The following HSD17B12 variants were observed in gnomAD, a reference collection of about 807,000 sequenced individuals.
HSD17B12 encodes hydroxysteroid 17-beta dehydrogenase 12, also known as very-long-chain 3-oxoacyl-CoA reductase.
In HSD17B12, 32 loss-of-function variants were observed where a neutral mutation model predicts 39.3. The ratio of observed to expected loss-of-function variants is 0.81; its 90% CI spans 0.61 to 1.09. The LOEUF (loss-of-function observed/expected upper bound fraction) is 1.09, where lower values mean the gene tolerates loss of function less well. Ranked by LOEUF, HSD17B12 falls within the 50% of genes least tolerant of loss-of-function variation. HSD17B12 has a pLI of 0.00. For synonymous variants in HSD17B12, 150 were observed against 146.7 expected (o/e 1.02, Z -0.16); for missense variants, 342 against 382.9 (o/e 0.89, Z 0.89).
intron 7 of HSD17B12, among the ~76,000 whole-genome samples, chr11:43,835,712 T>G (rs932125558): frequency 1.3e-5 from 2 of 152,206 alleles, no homozygotes; most frequent in Non-Finnish European, 2.9e-5. Context: ...TGTTTTAGCA[T>G]GCAAATACTG....
intron 4 of HSD17B12, among the ~76,000 whole-genome samples, chr11:43,805,418 T>C (rs1180905853): frequency 2.0e-5 from 3 of 152,126 alleles, no homozygotes; most frequent in Non-Finnish European, 1.5e-5. Context: ...AAAAGGAAAC[T>C]ATGTGGTAGG....
At chr11:43,753,970 A>T in intron 2 of HSD17B12, 76 bp from the exon 3 acceptor site, 1 of 863,092 alleles carries the variant, frequency 1.2e-6, no homozygotes, top group Non-Finnish European at 1.8e-6. Flanking sequence ...AGGTTTTCTT[A>T]AAATGGGGGT....
chr11:43,745,726 A>C (rs1219044429), intron 1 of HSD17B12, among the ~76,000 whole-genome samples: 1 of 152,168 alleles, frequency 6.6e-6, no homozygotes, highest in Non-Finnish European at 1.5e-5. Flanking sequence ...GTACAGTAAA[A>C]ATATGGTACA....
rs138448598 is a variant in HSD17B12, at chr11:43,703,828, T to C, written c.160+22841T>C. The stretch of plus-strand genomic sequence containing the variant: ...CTTAATTAGTCTGGCTAAAGGTTTA[T>C]TAGTTTTAACTTTAAAAAAAGAACA... On this transcript the variant is annotated intron_variant, in intron 1 of 10. Transcript: ENST00000278353. 5.5e-3 allele frequency among the ~76,000 whole-genome samples: 839 copies of C among 152,306 alleles called. 6 individuals carry two copies. The highest frequency in any genetic ancestry group is 6.8e-3 in the Non-Finnish European group (465 of 68,016).
intron 2 of HSD17B12, among the ~76,000 whole-genome samples, chr11:43,753,570 A>C (rs1950484333): frequency 1.3e-5 from 2 of 150,996 alleles, no homozygotes; most frequent in Non-Finnish European, 3.0e-5. Flanking sequence ...AAAAAAAAAA[A>C]AAATTTTTTT....
the HSD17B12 span, among the ~76,000 whole-genome samples, chr11:43,622,855 A>G: frequency 6.6e-6 from 1 of 152,104 alleles, no homozygotes; most frequent in African/African-American, 2.4e-5. Flanking sequence ...AATCGAGGTA[A>G]GCCCAAACCT....
the HSD17B12 span, among the ~76,000 whole-genome samples, chr11:43,656,749 C>G: frequency 3.3e-5 from 5 of 152,180 alleles, no homozygotes; most frequent in Non-Finnish European, 5.9e-5. Flanking sequence ...AGTTTGATTG[C>G]ACTGTGGTCT....
chr11:43,624,653 T>C, the HSD17B12 span, among the ~76,000 whole-genome samples: 7 of 151,862 alleles, frequency 4.6e-5, no homozygotes, highest in Admixed American at 3.9e-4. Context: ...AGTAATTATA[T>C]TGATCTGGTC....
At chr11:43,613,473 A>G in the HSD17B12 span, among the ~76,000 whole-genome samples, 3 of 152,072 alleles carry the variant, frequency 2.0e-5, no homozygotes, top group African/African-American at 7.2e-5. Flanking sequence ...TATATCTCTG[A>G]CTTATGCTTA....
Position 43,831,512 on chromosome 11 carries a change from T to C in HSD17B12, c.536+502T>C, listed in dbSNP as rs1951310652. 1 of 152,298 alleles carries C rather than the reference T, an allele frequency of 6.6e-6. No individual in the cohort carries two copies. Among genetic ancestry groups the C allele is most frequent in the Non-Finnish European group, 1.5e-5 (1 of 68,112 alleles). 9.4% of individuals were successfully genotyped at this position (152,298 alleles called of 1,614,324 possible). A position where few individuals can be genotyped will look rare whatever the true frequency, so the allele number is the denominator to read the frequency against. The stretch of plus-strand genomic sequence containing the variant: ...GCAATGTCCACTCGCCCCATCTTTG[T>C]TCCAGTTTGAATTGGTTCTGCTAGT... On this transcript the variant is annotated intron_variant, in intron 7 of 10. Coordinates refer to ENST00000278353, the MANE Select transcript of HSD17B12 (RefSeq NM_016142.3). The surrounding 1 kb of genome is among the most constrained non-coding windows in gnomAD (Gnocchi z 4.1).
intron 3 of HSD17B12, among the ~76,000 whole-genome samples, chr11:43,785,568 T>A (rs1371943192): frequency 1.3e-5 from 2 of 152,192 alleles, no homozygotes; most frequent in Admixed American, 6.5e-5. Context: ...TTCAGTCTGC[T>A]GCAATTTGTT....
At chr11:43,680,707 C>A, upstream of HSD17B12, 1 of 924,280 alleles carries the variant, frequency 1.1e-6, no homozygotes, top group East Asian at 2.4e-5. Context: ...GGGTTTAGGC[C>A]CAAAGTGGTG....
intron 4 of HSD17B12, among the ~76,000 whole-genome samples, chr11:43,804,722 G>C (rs1354196205): frequency 6.6e-6 from 1 of 152,110 alleles, no homozygotes; most frequent in African/African-American, 2.4e-5. Flanking sequence ...TTCCCAGAAG[G>C]TTCTAGGATA....
chr11:43,777,917 A>G (rs1406256524), intron 3 of HSD17B12, among the ~76,000 whole-genome samples: 8 of 152,194 alleles, frequency 5.3e-5, no homozygotes, highest in Non-Finnish European at 1.2e-4. Flanking sequence ...CATCACAATT[A>G]AAAGAACTAG....
intron 1 of HSD17B12, among the ~76,000 whole-genome samples, chr11:43,696,237 G>C (rs1275213275): frequency 6.6e-6 from 1 of 152,116 alleles, no homozygotes; most frequent in Non-Finnish European, 1.5e-5. Flanking sequence ...GCTAGGCCCT[G>C]TGCTGGGTAT....
At chr11:43,721,567 T>C (rs1164359894) in intron 1 of HSD17B12, among the ~76,000 whole-genome samples, 1 of 151,884 alleles carries the variant, frequency 6.6e-6, no homozygotes, top group Non-Finnish European at 1.5e-5. Context: ...TGCAGTGAGC[T>C]AAGATCGCAC....
intron 1 of HSD17B12, among the ~76,000 whole-genome samples, chr11:43,690,811 T>C (rs189621629): frequency 1.3e-5 from 2 of 152,172 alleles, no homozygotes; most frequent in Admixed American, 1.3e-4. Flanking sequence ...ATCTGTAAAA[T>C]TGGGATAATT....
the HSD17B12 span, among the ~76,000 whole-genome samples, chr11:43,574,821 A>T: frequency 1.3e-5 from 2 of 152,268 alleles, no homozygotes; most frequent in East Asian, 3.8e-4. Flanking sequence ...CGCCTTAAAA[A>T]GTCCTGATAA....
At chr11:43,717,512 G>A (rs1266834131) in intron 1 of HSD17B12, among the ~76,000 whole-genome samples, 1 of 152,088 alleles carries the variant, frequency 6.6e-6, no homozygotes, top group Non-Finnish European at 1.5e-5. Flanking sequence ...TGATTTTGTG[G>A]ATCCGGAGTT....
Sources: allele counts gnomAD v4.1 joint callset (sites outside exome capture counted in the v4.1 genomes callset), GRCh38; gene constraint gnomAD v4.1.1; non-coding constraint Gnocchi (gnomAD v3.1); transcripts MANE v1.5; gene names NCBI Gene and HGNC (gene_info 2026-07-23, HGNC 2026-07-21).